Variants in DNAH6 observed in about 807,000 individuals in gnomAD.
DNAH6 encodes dynein axonemal heavy chain 6, also known as axonemal beta dynein heavy chain 6.
DNAH6 carries 340 observed loss-of-function variants against 491.4 expected under a neutral mutation model. The observed-to-expected ratio is 0.69, with a 90% CI of 0.63 to 0.76. DNAH6 has a LOEUF of 0.76. Ranked by LOEUF, DNAH6 falls within the 30% of genes least tolerant of loss-of-function variation. DNAH6 has a pLI of 0.00. For missense variants in DNAH6, 4,443 were observed against 4,972.2 expected, an observed-to-expected ratio of 0.89 and a Z score of 3.20; for synonymous variants, 1,603 against 1,686.1, an observed-to-expected ratio of 0.95 and a Z score of 1.21.
the DNAH6 span, among the ~76,000 whole-genome samples, chr2:84,501,753 TGGTA>T: frequency 6.7e-5 from 10 of 150,006 alleles, no homozygotes; most frequent in Admixed American, 4.7e-4. Flanking sequence ...GGTTCAATCT[TGGTA>T]GGTTGTAAGT....
chr2:84,697,629 G>C lies in DNAH6; in HGVS notation c.7579G>C (p.Val2527Leu). Reference protein sequence around the residue: ...DINNILNSGEVPNLFEKDELE... With the variant: ...DINNILNSGELPNLFEKDELE... ...AAATAACATCCTGAACTCAGGTGAA[G>C]TGCCTAATTTATTTGAAAAGGATGA... is the stretch of plus-strand genomic sequence containing the variant. The change falls in exon 47 of 77, where the codon GTG becomes CTG. Residue 2527 changes from valine to leucine, a missense_variant. By Grantham distance (32) the Val-to-Leu change is conservative. Transcript: ENST00000389394. The C allele has an allele frequency of 6.4e-7, 1 of 1,552,044 alleles. No homozygotes were observed. Among genetic ancestry groups the C allele is most frequent in the Non-Finnish European group, 8.7e-7 (1 of 1,147,032 alleles).
At chr2:84,739,759 T>C (rs562121445) in intron 62 of DNAH6, among the ~76,000 whole-genome samples, 1 of 152,166 alleles carries the variant, frequency 6.6e-6, no homozygotes, top group South Asian at 2.1e-4. Flanking sequence ...GTTCTTAATA[T>C]AGCTATGTTG....
the DNAH6 span, among the ~76,000 whole-genome samples, chr2:84,506,398 A>G: frequency 6.6e-6 from 1 of 151,972 alleles, no homozygotes; most frequent in East Asian, 1.9e-4. Flanking sequence ...TCCTTTGCCC[A>G]CTTTTTTGAT....
intron 4 of DNAH6, among the ~76,000 whole-genome samples, chr2:84,538,127 T>C (rs1264038197): frequency 6.6e-6 from 1 of 152,128 alleles, no homozygotes; most frequent in Non-Finnish European, 1.5e-5. Flanking sequence ...ATTATTTGGA[T>C]TTTAGAACCC....
At position 84,552,977 on chromosome 2, in the gene DNAH6, A is replaced by C. The variant is rs780146297; in HGVS notation, c.1545A>C (p.Thr515=). 2 of 1,612,450 alleles carry C rather than the reference A, an allele frequency of 1.2e-6. No individual in the cohort carries two copies. The highest frequency in any genetic ancestry group is 1.3e-5 in the African/African-American group (1 of 74,986). ...AATCTCTCATCCCCATGTTTCTCAC[A>C]GAACTAATGTTGACAGTCCAGTCAC... ...EDESLIPMFL[T]ELMLTVQSLL... The change falls in exon 10 of 77, where the codon ACA becomes ACC. Residue 515 remains threonine (T), a synonymous_variant. Coordinates refer to ENST00000389394, the MANE Select transcript of DNAH6 (RefSeq NM_001370.2).
chr2:84,813,453 C>CA (rs1680193057), intron 74 of DNAH6, among the ~76,000 whole-genome samples: 1 of 152,214 alleles, frequency 6.6e-6, no homozygotes, highest in South Asian at 2.1e-4. Context: ...TCCACCTGCT[C>CA]AGGCCCCAGC....
intron 11 of DNAH6, among the ~76,000 whole-genome samples, chr2:84,569,757 G>C (rs1222681822): frequency 6.6e-6 from 1 of 152,120 alleles, no homozygotes; most frequent in African/African-American, 2.4e-5. Context: ...ATTTTATTTA[G>C]AGTTGAGCAA....
At chr2:84,517,675 G>C (rs1370568816) in intron 1 of DNAH6, 144 bp from the exon 2 acceptor site, 1 of 637,044 alleles carries the variant, frequency 1.6e-6, no homozygotes, top group Non-Finnish European at 2.7e-6. Flanking sequence ...AGTTCGGGAA[G>C]ACTGGGGTAA....
chr2:84,670,461 G>C lies in DNAH6; in HGVS notation c.6440G>C (p.Arg2147Thr), dbSNP rs558660383. ...EIIESKLERK[R>T]KNILGAPGNK... is the part of the protein sequence containing the mutation. The stretch of plus-strand genomic sequence containing the variant: ...ATTGAGTCAAAACTGGAGAGAAAAA[G>C]AAAAAATATTCTAGGTAAGAATCAT... Residue 2147 changes from arginine to threonine, a missense_variant, in exon 39 of 77, where the codon AGA becomes ACA. Around this residue, in one of 3 missense-constraint regions of DNAH6, gnomAD observed 2,977 missense variants for 3,296.6 expected, o/e 0.90. Coordinates refer to ENST00000389394, the MANE Select transcript of DNAH6 (RefSeq NM_001370.2). 4 of 1,524,988 alleles carry C rather than the reference G, an allele frequency of 2.6e-6. No individual in the cohort carries two copies. In the South Asian group the frequency reaches 3.8e-5, roughly 15 times the overall value. The allele number at this position is 1,524,988 out of a possible 1,614,324, so 94.5% of individuals were successfully genotyped here.
chr2:84,482,111 C>A, the DNAH6 span, among the ~76,000 whole-genome samples: 2 of 152,198 alleles, frequency 1.3e-5, no homozygotes, highest in African/African-American at 4.8e-5. Context: ...AGGGAACCCA[C>A]CTCCTGACAC....
rs1162541312 is a variant in DNAH6, at chr2:84,753,755, T to TAAAAAAAAAAA, written c.10512+8520_10512+8530dup. 7.9e-4 allele frequency among the ~76,000 whole-genome samples: 61 copies of TAAAAAAAAAAA among 77,128 alleles called. 2 individuals are homozygous for TAAAAAAAAAAA. Among genetic ancestry groups the TAAAAAAAAAAA allele is most frequent in the African/African-American group, 3.5e-3 (61 of 17,580 alleles). 50.6% of individuals were successfully genotyped at this position (77,128 alleles called of 152,430 possible). On this transcript the variant is annotated intron_variant, in intron 63 of 76. Coordinates refer to ENST00000389394, the MANE Select transcript of DNAH6 (RefSeq NM_001370.2). ...CTGGGCAACAGGAGTGAAACTCTGT[T>TAAAAAAAAAAA]AAAAAAAAAAAAAAAAAAAAAAAAG... is the stretch of plus-strand genomic sequence containing the variant.
At chr2:84,788,246 T>A (rs1463036634) in intron 68 of DNAH6, among the ~76,000 whole-genome samples, 1 of 152,174 alleles carries the variant, frequency 6.6e-6, no homozygotes, top group Non-Finnish European at 1.5e-5. Context: ...TGTTCTCTGG[T>A]ATCCTCTGCT....
chr2:84,536,663 GA>G (rs1677720188), intron 4 of DNAH6, among the ~76,000 whole-genome samples: 1 of 151,928 alleles, frequency 6.6e-6, no homozygotes, highest in African/African-American at 2.4e-5. Flanking sequence ...TTGACTAGTC[GA>G]AAAGGGAGTT....
the DNAH6 span, among the ~76,000 whole-genome samples, chr2:84,497,231 A>G: frequency 6.6e-6 from 1 of 152,120 alleles, no homozygotes; most frequent in Non-Finnish European, 1.5e-5. Context: ...TTGGCCTCCC[A>G]AAGTGCTGGG....
chr2:84,590,969 G>A lies in DNAH6; in HGVS notation c.2610+2015G>A, dbSNP rs557327424. ...CGCTGAGAACAAAAGCAACAGTTTC[G>A]ACCAGTTTGCACTCACTAGCCATTA... On this transcript the variant is annotated intron_variant, in intron 16 of 76. Coordinates refer to ENST00000389394, the MANE Select transcript of DNAH6 (RefSeq NM_001370.2). Among the ~76,000 whole-genome samples the A allele has an allele frequency of 1.4e-4, 22 of 152,234 alleles. No homozygotes were observed. In the South Asian group the frequency reaches 4.3e-3, roughly 30 times the overall value.
rs576405290 is a variant in DNAH6, at chr2:84,591,875, G to A, written c.2611-2097G>A. Among the ~76,000 whole-genome samples, 157 of 151,276 alleles carry A rather than the reference G, an allele frequency of 1.0e-3. 3 individuals carry two copies. The South Asian group carries it at 0.03, about 29-fold the overall frequency. ...GGAGAGGATAGTCTCTTCAACAAACGGTGTTAAGGAACTGGATATTCATAT... is the reference window on the plus strand; with the variant it reads ...GGAGAGGATAGTCTCTTCAACAAACAGTGTTAAGGAACTGGATATTCATAT... On this transcript the variant is annotated intron_variant, in intron 16 of 76. Coordinates refer to ENST00000389394, the MANE Select transcript of DNAH6 (RefSeq NM_001370.2).
the DNAH6 span, among the ~76,000 whole-genome samples, chr2:84,464,501 A>T: frequency 6.6e-6 from 1 of 152,212 alleles, no homozygotes; most frequent in African/African-American, 2.4e-5. Context: ...GGCAAAGTGA[A>T]AGCAAGTTTA....
chr2:84,564,697 T>C (rs913807898), intron 11 of DNAH6, among the ~76,000 whole-genome samples: 5 of 152,180 alleles, frequency 3.3e-5, no homozygotes, highest in African/African-American at 1.2e-4. Flanking sequence ...TCTTGCATGA[T>C]TGCTCTGACT....
chr2:84,798,660 C>T (rs1237115523), intron 70 of DNAH6, among the ~76,000 whole-genome samples: 2 of 152,220 alleles, frequency 1.3e-5, no homozygotes, highest in Non-Finnish European at 2.9e-5. Flanking sequence ...CTATTCCATG[C>T]ACCCCTTTGC....
Sources: gnomAD v4.1 joint callset for allele counts (sites outside exome capture counted in the v4.1 genomes callset) on GRCh38, gnomAD v4.1.1 for gene constraint, gnomAD v4.1.1 regional missense constraint, MANE v1.5 for transcripts, NCBI Gene and HGNC (gene_info 2026-07-23, HGNC 2026-07-21) for gene names.